SULF2: variants seen among roughly 807,000 people sequenced by gnomAD.
The protein encoded by SULF2 is extracellular sulfatase Sulf-2.
Under a neutral mutation model 107.7 loss-of-function variants are expected in SULF2, and 52 were observed. The ratio of observed to expected loss-of-function variants is 0.48; its 90% confidence interval spans 0.39 to 0.61. The LOEUF is 0.61. Among genes scored for constraint, SULF2 ranks in the 20% least tolerant of loss-of-function variants. SULF2 has a pLI of 0.00. For missense variants in SULF2, 993 were observed against 1,177.3 expected (o/e 0.84, Z 2.29); for synonymous variants, 460 against 464.3 (o/e 0.99, Z 0.12).
At chr20:47,672,966 G>A (rs983683989) in intron 10 of SULF2, among the ~76,000 whole-genome samples, 5 of 152,066 alleles carry the variant, frequency 3.3e-5, no homozygotes, top group East Asian at 1.9e-4. Flanking sequence ...CTGCTCCAGC[G>A]CAAGGAGGTC....
chr20:47,684,363 G>C, intron 6 of SULF2, 68 bp downstream of exon 6: 1 of 1,487,308 alleles, frequency 6.7e-7, no homozygotes, highest in Non-Finnish European at 9.0e-7. Flanking sequence ...AGGGCCAGGA[G>C]GTCTCGGCCC....
rs114802841 is a variant in SULF2, at chr20:47,684,518, G to A, written c.801C>T (p.Pro267=). ...DKHWIMRYTG[P]MKPIHMEFTN... is the part of the protein sequence containing the mutation. ...TGAATTCCATGTGGATGGGCTTCAT[G>A]GGCCCCGTGTAGCGCATGATCCAGT... is the stretch of plus-strand genomic sequence containing the variant. Residue 267 remains proline, a synonymous_variant, in exon 6 of 21, where the codon CCC becomes CCT. Transcript: ENST00000688720. The A allele has an allele frequency of 1.1e-5, 18 of 1,614,150 alleles. No homozygotes were observed. Among genetic ancestry groups the A allele is most frequent in the African/African-American group, 2.7e-5 (2 of 75,060 alleles).
intron 2 of SULF2, among the ~76,000 whole-genome samples, chr20:47,742,054 G>A (rs1428379252): frequency 6.6e-6 from 1 of 152,210 alleles, no homozygotes; most frequent in Non-Finnish European, 1.5e-5. Flanking sequence ...GTCAATCCAC[G>A]AGTAAAGGAC....
intron 1 of SULF2, among the ~76,000 whole-genome samples, chr20:47,780,945 G>A (rs2090821932): frequency 6.6e-6 from 1 of 152,224 alleles, no homozygotes; most frequent in African/African-American, 2.4e-5. Context: ...AAACCCTCCT[G>A]CTGATATAGA....
intron 3 of SULF2, among the ~76,000 whole-genome samples, chr20:47,733,728 G>A (rs2089668405): frequency 6.6e-6 from 1 of 152,204 alleles, no homozygotes; most frequent in South Asian, 2.1e-4. Flanking sequence ...AGCTGAGACT[G>A]TGCCACTGCA....
intron 3 of SULF2, among the ~76,000 whole-genome samples, chr20:47,703,042 G>A (rs1177138060): frequency 6.6e-6 from 1 of 151,900 alleles, no homozygotes; most frequent in Non-Finnish European, 1.5e-5. Context: ...TCAGCCTCCC[G>A]AGTAATCCTC....
At chr20:47,731,185 C>CTTTTTTTTTTT in intron 3 of SULF2, among the ~76,000 whole-genome samples, 1 of 93,332 alleles carries the variant, frequency 1.1e-5, no homozygotes, top group Non-Finnish European at 2.0e-5. Context: ...CCTGTATCTT[C>CTTTTTTTTTTT]TCTTTTTTTT....
chr20:47,741,384 G>A (rs1376529360), intron 2 of SULF2, among the ~76,000 whole-genome samples: 6 of 151,566 alleles, frequency 4.0e-5, no homozygotes, highest in Non-Finnish European at 5.9e-5. Flanking sequence ...CCGGAGCCCC[G>A]CAGCGGTGCC....
chr20:47,724,233 G>A (rs921557099), intron 3 of SULF2, among the ~76,000 whole-genome samples: 11 of 152,252 alleles, frequency 7.2e-5, no homozygotes, highest in African/African-American at 2.7e-4. Flanking sequence ...TTTTAAAAGT[G>A]TCCTCCGGCT....
At chr20:47,773,293 G>T (rs571645164) in intron 1 of SULF2, among the ~76,000 whole-genome samples, 1 of 152,246 alleles carries the variant, frequency 6.6e-6, no homozygotes, top group Non-Finnish European at 1.5e-5. Flanking sequence ...GGAGGAAGCT[G>T]TCAGGTGATA....
At position 47,736,732 on chromosome 20, in the gene SULF2, A is replaced by G; in HGVS notation, c.386T>C (p.Val129Ala). 1 of 1,614,212 alleles carries G rather than the reference A, an allele frequency of 6.2e-7. No individual in the cohort carries two copies. The highest frequency in any genetic ancestry group is 8.5e-7 in the Non-Finnish European group (1 of 1,180,024). ...CCGGTAGCCAGTGCTATTGAGGTAC[A>G]CGGCAAAGGTGCGGCTCTCGTGCTG... is the stretch of plus-strand genomic sequence containing the variant. The part of the protein sequence containing the change: ...QAQHESRTFA[V>A]YLNSTGYRTA... The change falls in exon 3 of 21, where the codon GTG becomes GCG. Residue 129 changes from valine (V) to alanine (A), a missense_variant. Physicochemically the swap from Val to Ala is moderately conservative, Grantham distance 64 (BLOSUM62 0). Transcript: ENST00000688720.
intron 2 of SULF2, among the ~76,000 whole-genome samples, chr20:47,755,022 CGG>C (rs11086225): frequency 0.21 from 31,918 of 151,720 alleles, 3,503 homozygotes; most frequent in African/African-American, 0.26. Flanking sequence ...TTTGTTAAGA[CGG>C]GGGGGGTCTC....
chr20:47,754,377 CTG>C (rs1568905827), intron 2 of SULF2, among the ~76,000 whole-genome samples: 1 of 152,192 alleles, frequency 6.6e-6, no homozygotes, highest in Non-Finnish European at 1.5e-5. Context: ...GTAGCAGAGA[CTG>C]TGAGATAATG....
At chr20:47,677,635 C>T (rs1038934721) in intron 8 of SULF2, among the ~76,000 whole-genome samples, 1 of 152,170 alleles carries the variant, frequency 6.6e-6, no homozygotes, top group African/African-American at 2.4e-5. Flanking sequence ...GGAGTATTTT[C>T]TTCTTTGGTG....
intron 17 of SULF2, among the ~76,000 whole-genome samples, chr20:47,662,548 C>T (rs1568776913): frequency 6.6e-6 from 1 of 152,222 alleles, no homozygotes; most frequent in Non-Finnish European, 1.5e-5. Context: ...TAGTGACTGT[C>T]CCTGTACAAG....
intron 3 of SULF2, among the ~76,000 whole-genome samples, chr20:47,704,107 C>T (rs2088653204): frequency 6.6e-6 from 1 of 152,028 alleles, no homozygotes; most frequent in Non-Finnish European, 1.5e-5. Flanking sequence ...ACCTCATTGG[C>T]CTGGAGATTT....
intron 2 of SULF2, among the ~76,000 whole-genome samples, chr20:47,754,715 C>T (rs2090240524): frequency 6.6e-6 from 1 of 152,226 alleles, no homozygotes; most frequent in African/African-American, 2.4e-5. Context: ...GCAACAATAT[C>T]CGTAACAGTG....
intron 4 of SULF2, among the ~76,000 whole-genome samples, chr20:47,697,067 C>T (rs191962736): frequency 5.9e-5 from 9 of 152,224 alleles, no homozygotes; most frequent in East Asian, 3.9e-4. Context: ...CCACACTGGC[C>T]GTGCACTGCC....
intron 3 of SULF2, among the ~76,000 whole-genome samples, chr20:47,711,414 C>A (rs112095530): frequency 2.6e-5 from 4 of 152,204 alleles, no homozygotes; most frequent in Admixed American, 2.6e-4. Context: ...GACAGGCATG[C>A]GAAGGGTGAA....
Sources: allele counts gnomAD v4.1 joint callset (sites outside exome capture counted in the v4.1 genomes callset), GRCh38; gene constraint gnomAD v4.1.1; transcripts MANE v1.5; gene names NCBI Gene and HGNC (gene_info 2026-07-23, HGNC 2026-07-21).